KDM2B: variants seen among roughly 807,000 people sequenced by gnomAD.
KDM2B encodes lysine demethylase 2B, also known as lysine-specific demethylase 2B.
Under a neutral mutation model 150.0 loss-of-function variants are expected in KDM2B, and 26 were observed. The ratio of observed to expected loss-of-function variants is 0.17; its 90% confidence interval spans 0.13 to 0.24. The LOEUF (loss-of-function observed/expected upper bound fraction) is 0.24. Ranked by LOEUF, KDM2B falls within the 10% of genes least tolerant of loss-of-function variation. The pLI is 1.00. For missense variants in KDM2B, 1,265 were observed against 1,816.9 expected (o/e 0.70, Z 5.52); for synonymous variants, 734 against 729.5 (o/e 1.01, Z -0.10).
At chr12:121,547,603 G>A (rs1555310930) in intron 6 of KDM2B, among the ~76,000 whole-genome samples, 1 of 151,248 alleles carries the variant, frequency 6.6e-6, no homozygotes, top group Non-Finnish European at 1.5e-5. Flanking sequence ...GAAGCCCAGA[G>A]CAATGGCCCT....
intron 4 of KDM2B, among the ~76,000 whole-genome samples, chr12:121,566,811 A>C (rs1890736207): frequency 6.6e-6 from 1 of 152,200 alleles, no homozygotes; most frequent in South Asian, 2.1e-4. Context: ...AAACAAACGA[A>C]CAAAACAAAC....
At chr12:121,500,450 G>A (rs1173834483) in intron 11 of KDM2B, among the ~76,000 whole-genome samples, 3 of 152,210 alleles carry the variant, frequency 2.0e-5, no homozygotes, top group Non-Finnish European at 2.9e-5. Flanking sequence ...GGCCTGGGCG[G>A]CCCTTTATGC....
At chr12:121,488,939 G>A (rs1883060166) in intron 12 of KDM2B, among the ~76,000 whole-genome samples, 1 of 152,156 alleles carries the variant, frequency 6.6e-6, no homozygotes, top group Non-Finnish European at 1.5e-5. Context: ...CTCTCGAGTA[G>A]CTGGGATTAC....
intron 6 of KDM2B, among the ~76,000 whole-genome samples, chr12:121,545,067 G>A (rs1156994008): frequency 1.3e-5 from 2 of 152,104 alleles, no homozygotes; most frequent in Non-Finnish European, 2.9e-5. Context: ...CTACCCTCCA[G>A]GGCCTCCAGC....
intron 12 of KDM2B, 36 bp downstream of exon 12, chr12:121,494,543 G>C: frequency 6.4e-7 from 1 of 1,554,644 alleles, no homozygotes; most frequent in Non-Finnish European, 8.8e-7. Flanking sequence ...AAGGAGGTGG[G>C]AAGCGGCCGC....
intron 4 of KDM2B, among the ~76,000 whole-genome samples, chr12:121,570,315 G>A (rs1891003183): frequency 6.6e-6 from 1 of 152,088 alleles, no homozygotes; most frequent in African/African-American, 2.4e-5. Flanking sequence ...GCCTCCGAAA[G>A]TGCTGGGATT....
chr12:121,548,336 G>A (rs912214428), intron 6 of KDM2B, among the ~76,000 whole-genome samples: 1 of 152,200 alleles, frequency 6.6e-6, no homozygotes, highest in African/African-American at 2.4e-5. Context: ...CCTGCTCAGA[G>A]GGCACTGTCT....
chr12:121,516,764 C>A (rs576321151), intron 9 of KDM2B: 5 of 648,640 alleles, frequency 7.7e-6, no homozygotes, highest in African/African-American at 7.6e-5. Flanking sequence ...GAGATGACAA[C>A]AAAAGGTTTC....
chr12:121,562,255 A>G (rs548461773), intron 4 of KDM2B, among the ~76,000 whole-genome samples: 309 of 150,204 alleles, frequency 2.1e-3, no homozygotes, highest in African/African-American at 6.9e-3. Flanking sequence ...GGCCAAGGCG[A>G]ACAGATCACC....
At chr12:121,463,207 C>G (rs1879353741) in intron 12 of KDM2B, among the ~76,000 whole-genome samples, 1 of 151,712 alleles carries the variant, frequency 6.6e-6, no homozygotes, top group African/African-American at 2.4e-5. Context: ...CCTAGCCACT[C>G]AGGAGGCTGA....
chr12:121,563,355 C>T (rs990884227), intron 4 of KDM2B, among the ~76,000 whole-genome samples: 2 of 152,024 alleles, frequency 1.3e-5, no homozygotes, highest in East Asian at 3.9e-4. Flanking sequence ...GCCTGTAATC[C>T]CAGCACTTTG....
chr12:121,558,608 C>T (rs1460217516), intron 4 of KDM2B, among the ~76,000 whole-genome samples: 2 of 152,076 alleles, frequency 1.3e-5, no homozygotes, highest in Non-Finnish European at 2.9e-5. Flanking sequence ...CGCATGCCAC[C>T]ATGCCCCAGC....
At position 121,549,116 on chromosome 12, in the gene KDM2B, G is replaced by A; in HGVS notation, c.577-133C>T. ...TGGGCTCAATAGTCCCAACATGGGA[G>A]GAAGGAAGGGCAGGGATGACAGGAC... On this transcript the variant is annotated intron_variant, in intron 5 of 22. Transcript: ENST00000377071. This position sits in a 1 kb window ranked among gnomAD's most constrained non-coding sequence, Gnocchi z 4.4. 2 of 687,498 alleles carry A rather than the reference G, an allele frequency of 2.9e-6. No individual in the cohort carries two copies. Among genetic ancestry groups the A allele is most frequent in the African/African-American group, 1.8e-5 (1 of 55,976 alleles). The allele number at this position is 687,498 out of a possible 1,614,324, so 42.6% of individuals were successfully genotyped here. A position where few individuals can be genotyped will look rare whatever the true frequency, so the allele number is the denominator to read the frequency against.
downstream of KDM2B, among the ~76,000 whole-genome samples, chr12:121,425,354 T>G (rs1227855779): frequency 3.3e-5 from 5 of 151,432 alleles, no homozygotes; most frequent in Non-Finnish European, 7.4e-5. Context: ...TGCAAAAATG[T>G]TGTGAAATCT....
At chr12:121,552,911 G>A (rs1889615444) in intron 4 of KDM2B, among the ~76,000 whole-genome samples, 1 of 151,958 alleles carries the variant, frequency 6.6e-6, no homozygotes, top group Non-Finnish European at 1.5e-5. Context: ...TTTCCAGGAG[G>A]CCCACCTGGC....
At chr12:121,447,374 G>A (rs551435463) in intron 13 of KDM2B, among the ~76,000 whole-genome samples, 13 of 151,580 alleles carry the variant, frequency 8.6e-5, no homozygotes, top group Admixed American at 2.6e-4. Context: ...TCAGCCTCCC[G>A]AGTAGCACAG....
At chr12:121,506,911 G>C (rs1477127927) in intron 11 of KDM2B, among the ~76,000 whole-genome samples, 1 of 151,860 alleles carries the variant, frequency 6.6e-6, no homozygotes, top group Non-Finnish European at 1.5e-5. Flanking sequence ...ACTCCAGCCT[G>C]GGCATCAAGA....
intron 13 of KDM2B, among the ~76,000 whole-genome samples, chr12:121,445,653 T>G (rs1555290084): frequency 6.6e-6 from 1 of 152,114 alleles, no homozygotes; most frequent in African/African-American, 2.4e-5. Context: ...CAGCTCAAAA[T>G]CTCTGCCATC....
intron 8 of KDM2B, among the ~76,000 whole-genome samples, chr12:121,527,093 G>A (rs909826171): frequency 6.6e-6 from 1 of 151,666 alleles, no homozygotes; most frequent in Admixed American, 6.6e-5. Flanking sequence ...TGTCGCCCAG[G>A]CTGGAGTGCA....
Sources: allele counts gnomAD v4.1 joint callset (sites outside exome capture counted in the v4.1 genomes callset), GRCh38; gene constraint gnomAD v4.1.1; non-coding constraint Gnocchi (gnomAD v3.1); transcripts MANE v1.5; gene names NCBI Gene and HGNC (gene_info 2026-07-23, HGNC 2026-07-21).